The following DLC1 variants were observed in gnomAD, a reference collection of about 807,000 sequenced individuals.
The protein encoded by DLC1 is rho GTPase-activating protein 7.
In DLC1, 54 loss-of-function variants were observed where a neutral mutation model predicts 140.3. That is an observed-to-expected ratio of 0.38 (90% CI 0.31 to 0.48). The LOEUF is 0.48. Ranked by LOEUF, DLC1 falls within the 20% of genes least tolerant of loss-of-function variation. The pLI is 0.96. For missense variants in DLC1, 2,536 were observed against 1,907.0 expected (o/e 1.33, Z -6.14); for synonymous variants, 986 against 728.1 (o/e 1.35, Z -5.70).
At chr8:13,188,843 ATTTT>A (rs869162448) in intron 5 of DLC1, among the ~76,000 whole-genome samples, 3 of 30,668 alleles carry the variant, frequency 9.8e-5, no homozygotes, top group South Asian at 9.7e-4. Flanking sequence ...ATATATATAT[ATTTT>A]TTTTTTTTTT....
chr8:13,411,267 G>C (rs1486329289), intron 2 of DLC1, among the ~76,000 whole-genome samples: 1 of 152,126 alleles, frequency 6.6e-6, no homozygotes, highest in African/African-American at 2.4e-5. Context: ...GAAAGATATG[G>C]AGGAAATTTA....
intron 5 of DLC1, among the ~76,000 whole-genome samples, chr8:13,225,222 A>G (rs1828738582): frequency 6.6e-6 from 1 of 152,254 alleles, no homozygotes; most frequent in African/African-American, 2.4e-5. Context: ...GATTCTTGAC[A>G]GAGAACAAGT....
At chr8:13,207,880 A>ATGATATACATAGTGTGTACT (rs1364769347) in intron 5 of DLC1, among the ~76,000 whole-genome samples, 5 of 152,218 alleles carry the variant, frequency 3.3e-5, no homozygotes, top group Non-Finnish European at 2.9e-5. Flanking sequence ...TTTAGTGATT[A>ATGATATACATAGTGTGTACT]TGATATACAT....
At chr8:13,333,419 T>A (rs1223600885) in intron 4 of DLC1, among the ~76,000 whole-genome samples, 1 of 4,044 alleles carries the variant, frequency 2.5e-4, no homozygotes, top group African/African-American at 3.7e-4. Flanking sequence ...TGTTTTTTGT[T>A]TTTTTTGTTT....
chr8:13,202,422 A>G (rs892897742), intron 5 of DLC1, among the ~76,000 whole-genome samples: 1 of 152,172 alleles, frequency 6.6e-6, no homozygotes, highest in Non-Finnish European at 1.5e-5. Flanking sequence ...CTTTGCAATG[A>G]GAATGTTATA....
At chr8:13,287,231 C>T (rs944903119) in intron 5 of DLC1, among the ~76,000 whole-genome samples, 1 of 152,042 alleles carries the variant, frequency 6.6e-6, no homozygotes, top group Non-Finnish European at 1.5e-5. Context: ...CAAAGTGTGG[C>T]CAATTCAATG....
rs1255643978 is a variant in DLC1 at position 13,084,714 on chromosome 8, T to C, written c.*1097A>G. 1.3e-5 allele frequency: 2 copies of C among 152,110 alleles called. No homozygotes were observed. Among genetic ancestry groups the C allele is most frequent in the African/African-American group, 4.8e-5 (2 of 41,402 alleles). The allele number at this position is 152,110 out of a possible 1,614,324, so 9.4% of individuals were successfully genotyped here. On this transcript the variant is annotated 3_prime_UTR_variant, in exon 18 of 18. Coordinates refer to ENST00000276297, the MANE Select transcript of DLC1 (RefSeq NM_182643.3). ...AACAAGCCCAATGAATAAACACATG[T>C]GGCTTTCAGGAATGCCGTTAACAAC... is the stretch of plus-strand genomic sequence containing the variant.
chr8:13,403,662 G>A (rs1837393361), intron 2 of DLC1, among the ~76,000 whole-genome samples: 1 of 151,790 alleles, frequency 6.6e-6, no homozygotes, highest in Non-Finnish European at 1.5e-5. Flanking sequence ...TTGCAACAAG[G>A]TCTCACTCTG....
In DLC1 at chr8:13,098,491, C is replaced by T. The variant is rs142625115; in HGVS notation, c.3075G>A (p.Val1025=). 1.2e-6 allele frequency: 2 copies of T among 1,614,176 alleles called. No homozygotes were observed. The highest frequency in any genetic ancestry group is 2.7e-5 in the African/African-American group (2 of 75,052). ...ATTTCTGCAGCAGGTTCATCTGGGC[C>T]ACAGACTGGCAGTTAATCTGTAGTG... ...SVSLQINCQS[V]AQMNLLQKYS... is the part of the protein sequence containing the mutation. The change falls in exon 10 of 18, where the codon GTG becomes GTA. Residue 1025 remains valine (V), a synonymous_variant. Transcript: ENST00000276297.
intron 2 of DLC1, among the ~76,000 whole-genome samples, chr8:13,478,807 T>G (rs1174024819): frequency 6.6e-6 from 1 of 152,264 alleles, no homozygotes; most frequent in East Asian, 1.9e-4. Flanking sequence ...TATTGAATTT[T>G]TAATACATAA....
chr8:13,520,055 G>A (rs1213249751), intron 1 of DLC1, among the ~76,000 whole-genome samples: 1 of 152,146 alleles, frequency 6.6e-6, no homozygotes, highest in Non-Finnish European at 1.5e-5. Flanking sequence ...CATTATGTAA[G>A]ACAGTGTGGC....
chr8:13,103,932 C>G (rs763884825), intron 7 of DLC1, among the ~76,000 whole-genome samples: 42 of 151,280 alleles, frequency 2.8e-4, no homozygotes, highest in Non-Finnish European at 5.0e-4. Flanking sequence ...AACAAAGAAC[C>G]AAGTAGAGTT....
In DLC1 at chr8:13,452,313, A is replaced by G. The variant is rs1220832281; in HGVS notation, c.1023+46736T>C. 2.0e-5 allele frequency among the ~76,000 whole-genome samples: 3 copies of G among 152,086 alleles called. No homozygotes were observed. The East Asian group carries it at 5.8e-4, about 29-fold the overall frequency. The stretch of plus-strand genomic sequence containing the variant: ...TCTATACTTGCCTATAGCTCCACTG[A>G]CCTCAATAGTTACATCTATTGTATA... On this transcript the variant is annotated intron_variant, in intron 2 of 17. Coordinates refer to ENST00000276297, the MANE Select transcript of DLC1 (RefSeq NM_182643.3).
chr8:13,427,127 T>G (rs1174518347), intron 2 of DLC1, among the ~76,000 whole-genome samples: 1 of 152,316 alleles, frequency 6.6e-6, no homozygotes, highest in Middle Eastern at 3.4e-3. Context: ...TTCATACAAA[T>G]GTATGTGGGG....
chr8:13,455,244 T>C (rs1019290961), intron 2 of DLC1, among the ~76,000 whole-genome samples: 1 of 152,218 alleles, frequency 6.6e-6, no homozygotes, highest in Non-Finnish European at 1.5e-5. Context: ...CTCTTACATG[T>C]ACAGATGCAC....
intron 5 of DLC1, among the ~76,000 whole-genome samples, chr8:13,184,627 C>G (rs973371923): frequency 6.6e-6 from 1 of 152,148 alleles, no homozygotes; most frequent in Admixed American, 6.5e-5. Context: ...GTTTTGTAAT[C>G]CTGAGTTCTA....
intron 2 of DLC1, among the ~76,000 whole-genome samples, chr8:13,423,917 G>A (rs748059907): frequency 5.3e-5 from 8 of 151,968 alleles, no homozygotes; most frequent in African/African-American, 7.2e-5. Context: ...CCATCCGAGG[G>A]GAAAATAAGA....
At chr8:13,491,345 C>T (rs988805657) in intron 2 of DLC1, among the ~76,000 whole-genome samples, 1 of 151,942 alleles carries the variant, frequency 6.6e-6, no homozygotes, top group African/African-American at 2.4e-5. Flanking sequence ...GTGACATTAC[C>T]CAGAAAAGCT....
Position 13,492,544 on chromosome 8 carries a change from A to G in DLC1, c.1023+6505T>C, listed in dbSNP as rs373627706. The stretch of plus-strand genomic sequence containing the variant: ...TTTTCTCTCTCCCTCCACCTCTCTC[A>G]CTACTCTCTCCTCTCTCAGTGCCAG... On this transcript the variant is annotated intron_variant, in intron 2 of 17. Coordinates refer to ENST00000276297, the MANE Select transcript of DLC1 (RefSeq NM_182643.3). Among the ~76,000 whole-genome samples the G allele has an allele frequency of 7.2e-3, 355 of 49,350 alleles. 11 individuals carry two copies. In the South Asian group the frequency reaches 0.22, roughly 30 times the overall value. The allele number at this position is 49,350 out of a possible 152,430, so 32.4% of individuals were successfully genotyped here. A position where few individuals can be genotyped will look rare whatever the true frequency, so the allele number is the denominator to read the frequency against.
Sources: allele counts gnomAD v4.1 joint callset (sites outside exome capture counted in the v4.1 genomes callset), GRCh38; gene constraint gnomAD v4.1.1; transcripts MANE v1.5; gene names NCBI Gene and HGNC (gene_info 2026-07-23, HGNC 2026-07-21).